Variants in TUSC3 observed in about 807,000 individuals in gnomAD.
TUSC3 encodes tumor suppressor candidate 3.
In TUSC3, 45 loss-of-function variants were observed where a neutral mutation model predicts 44.8. That is an observed-to-expected ratio of 1.00 (90% confidence interval 0.79 to 1.29). The LOEUF (loss-of-function observed/expected upper bound fraction) is 1.29. TUSC3 is among the 50% of genes most tolerant of loss of function. The pLI is 0.00. For missense variants in TUSC3, 519 were observed against 437.9 expected (o/e 1.19, Z -1.65); for synonymous variants, 212 against 152.9 (o/e 1.39, Z -2.85).
chr8:15,450,463 A>G (rs965611954), intron 1 of TUSC3, among the ~76,000 whole-genome samples: 12 of 152,172 alleles, frequency 7.9e-5, no homozygotes, highest in Admixed American at 6.5e-4. Flanking sequence ...AGGCAGGCAG[A>G]TCACAAGGTC....
intron 2 of TUSC3, among the ~76,000 whole-genome samples, chr8:15,637,005 T>C (rs1585178646): frequency 6.6e-6 from 1 of 152,244 alleles, no homozygotes; most frequent in African/African-American, 2.4e-5. Flanking sequence ...TTAAATTTTT[T>C]CACTGAAGTC....
upstream of TUSC3, among the ~76,000 whole-genome samples, chr8:15,537,346 C>T (rs1209740351): frequency 9.9e-5 from 15 of 152,126 alleles, no homozygotes; most frequent in South Asian, 6.2e-4. Flanking sequence ...CCTTTCTGAA[C>T]GAAACCAATG....
chr8:15,842,609 C>T, the TUSC3 span, among the ~76,000 whole-genome samples: 1 of 152,126 alleles, frequency 6.6e-6, no homozygotes, highest in African/African-American at 2.4e-5. Context: ...AAGATTTGTA[C>T]ACAGGAGAGA....
chr8:15,792,015 G>A, the TUSC3 span, among the ~76,000 whole-genome samples: 2 of 151,984 alleles, frequency 1.3e-5, no homozygotes, highest in Non-Finnish European at 2.9e-5. Flanking sequence ...ATAAAAAAAA[G>A]CCACAGACAT....
chr8:15,618,687 A>G (rs923421025), intron 1 of TUSC3, among the ~76,000 whole-genome samples: 1 of 152,228 alleles, frequency 6.6e-6, no homozygotes, highest in African/African-American at 2.4e-5. Flanking sequence ...GATAAAAAGT[A>G]TAGTAAATAC....
chr8:15,645,528 A>G (rs969508357), intron 2 of TUSC3, among the ~76,000 whole-genome samples: 1 of 152,064 alleles, frequency 6.6e-6, no homozygotes, highest in African/African-American at 2.4e-5. Context: ...TCTTTAAAAT[A>G]TGTATACCTT....
intron 1 of TUSC3, among the ~76,000 whole-genome samples, chr8:15,597,968 C>T (rs1473333809): frequency 6.6e-6 from 1 of 152,018 alleles, no homozygotes; most frequent in African/African-American, 2.4e-5. Context: ...CACGCATGCA[C>T]ACACAACACT....
chr8:15,595,672 C>T (rs904655708), intron 1 of TUSC3, among the ~76,000 whole-genome samples: 2 of 152,136 alleles, frequency 1.3e-5, no homozygotes, highest in African/African-American at 4.8e-5. Context: ...ATTTCAAAAG[C>T]ATCCAGAGAT....
intron 2 of TUSC3, among the ~76,000 whole-genome samples, chr8:15,530,233 C>A (rs1801432210): frequency 6.6e-6 from 1 of 152,028 alleles, no homozygotes; most frequent in African/African-American, 2.4e-5. Flanking sequence ...CTGCTTGCTT[C>A]TCTAAAGGAA....
chr8:15,544,542 C>T (rs148144934), intron 1 of TUSC3, among the ~76,000 whole-genome samples: 1 of 151,884 alleles, frequency 6.6e-6, no homozygotes, highest in Admixed American at 6.6e-5. Flanking sequence ...AAACATATTT[C>T]AATTGCCTTT....
chr8:15,506,839 G>T (rs1801058439), intron 2 of TUSC3, among the ~76,000 whole-genome samples: 1 of 152,102 alleles, frequency 6.6e-6, no homozygotes, highest in Non-Finnish European at 1.5e-5. Flanking sequence ...AAAGGGCCCT[G>T]CCCCTTACCC....
chr8:15,638,780 C>A (rs537835250), intron 2 of TUSC3, among the ~76,000 whole-genome samples: 24 of 152,294 alleles, frequency 1.6e-4, no homozygotes, highest in African/African-American at 5.8e-4. Flanking sequence ...CCTGCCTTGG[C>A]CTCCCAAAGT....
At chr8:15,516,353 T>G (rs141508547) in intron 2 of TUSC3, among the ~76,000 whole-genome samples, 1,534 of 152,308 alleles carry the variant, frequency 0.01, 23 homozygotes, top group African/African-American at 0.035. Flanking sequence ...TAATTTCATT[T>G]TATGTACTAG....
intron 2 of TUSC3, among the ~76,000 whole-genome samples, chr8:15,506,662 A>G (rs1261525977): frequency 6.6e-6 from 1 of 152,176 alleles, no homozygotes. Flanking sequence ...TTATAAAATC[A>G]TCGGATCTTG....
intron 2 of TUSC3, among the ~76,000 whole-genome samples, chr8:15,485,675 T>C (rs542935767): frequency 6.6e-6 from 1 of 152,274 alleles, no homozygotes; most frequent in East Asian, 1.9e-4. Context: ...GAGTATGTGT[T>C]GGGAATGAAG....
chr8:15,484,923 T>C (rs1287791090), intron 2 of TUSC3, among the ~76,000 whole-genome samples: 1 of 152,248 alleles, frequency 6.6e-6, no homozygotes, highest in Admixed American at 6.5e-5. Flanking sequence ...AACTATTTCT[T>C]TGTAAAAACT....
intron 6 of TUSC3, among the ~76,000 whole-genome samples, chr8:15,688,218 A>G (rs1808725068): frequency 9.3e-6 from 1 of 107,692 alleles, no homozygotes; most frequent in African/African-American, 3.1e-5. Flanking sequence ...ACTCATAATT[A>G]TATACATTCA....
At chr8:15,558,767 C>T (rs1290303221) in intron 1 of TUSC3, among the ~76,000 whole-genome samples, 2 of 132,526 alleles carry the variant, frequency 1.5e-5, no homozygotes, top group East Asian at 2.5e-4. Context: ...TTATCCATTT[C>T]TTCTAGATTT....
At chr8:15,550,940 G>A (rs535922842) in intron 1 of TUSC3, among the ~76,000 whole-genome samples, 4 of 151,756 alleles carry the variant, frequency 2.6e-5, no homozygotes, top group East Asian at 2.0e-4. Flanking sequence ...CCAAGTGCTG[G>A]GATTACAGGG....
Sources: allele counts gnomAD v4.1 joint callset (sites outside exome capture counted in the v4.1 genomes callset), GRCh38; gene constraint gnomAD v4.1.1; transcripts MANE v1.5; gene names NCBI Gene and HGNC (gene_info 2026-07-23, HGNC 2026-07-21).